Variants in SNX31 observed in about 807,000 individuals in gnomAD.
SNX31 encodes the protein sorting nexin-31.
Under a neutral mutation model 65.4 loss-of-function variants are expected in SNX31, and 58 were observed. The ratio of observed to expected loss-of-function variants is 0.89; its 90% CI spans 0.72 to 1.10. The LOEUF (loss-of-function observed/expected upper bound fraction) is 1.10, where lower values mean the gene tolerates loss of function less well. SNX31 is among the 50% of genes least tolerant of loss of function. The probability of loss-of-function intolerance (pLI) is 0.00; values close to 1 mark genes in which losing one functional copy is unlikely to be tolerated. For synonymous variants in SNX31, 181 were observed against 190.1 expected (o/e 0.95, Z 0.39); for missense variants, 523 against 529.7 (o/e 0.99, Z 0.12).
rs955170029 is a variant in SNX31, at chr8:100,625,378, G to A, written c.321+4949C>T. Among the ~76,000 whole-genome samples the A allele has an allele frequency of 3.4e-5, 5 of 148,292 alleles. No homozygotes were observed. The highest frequency in any genetic ancestry group is 6.0e-5 in the Non-Finnish European group (4 of 67,138). On this transcript the variant is annotated intron_variant, in intron 4 of 13. Transcript: ENST00000311812. The surrounding 1 kb of genome is among the most constrained non-coding windows in gnomAD (Gnocchi z 4.2). ...TTAGAGCCTGGTGAGTCCACATATGGATTTTCTTGGATGCGCACCATGGCT... is the reference window on the plus strand; with the variant it reads ...TTAGAGCCTGGTGAGTCCACATATGAATTTTCTTGGATGCGCACCATGGCT...
intron 2 of SNX31, among the ~76,000 whole-genome samples, chr8:100,636,712 ATTTC>A (rs112969618): frequency 6.6e-6 from 1 of 151,582 alleles, no homozygotes; most frequent in Non-Finnish European, 1.5e-5. Flanking sequence ...GGTGACTCAT[ATTTC>A]TTTCTTTCTT....
chr8:100,589,751 G>C (rs1014186478), intron 10 of SNX31, among the ~76,000 whole-genome samples: 5 of 152,238 alleles, frequency 3.3e-5, no homozygotes, highest in African/African-American at 1.2e-4. Context: ...GATCCTGAAA[G>C]CCTGGTAGGC....
At position 100,649,607 on chromosome 8, in the gene SNX31, G is replaced by A; in HGVS notation, c.-93C>T. 2 of 1,256,706 alleles carry A rather than the reference G, an allele frequency of 1.6e-6. No individual in the cohort carries two copies. Among genetic ancestry groups the A allele is most frequent in the African/African-American group, 1.5e-5 (1 of 66,856 alleles). The allele number at this position is 1,256,706 out of a possible 1,614,324, so 77.8% of individuals were successfully genotyped here. ...AACTCGGCAGCGGTGGACGCAGCGC[G>A]GCCTGCCACGCGACTCAGAGCGAAC... On this transcript the variant is annotated 5_prime_UTR_variant, in exon 1 of 14. Coordinates refer to ENST00000311812, the MANE Select transcript of SNX31 (RefSeq NM_152628.4).
intron 3 of SNX31, among the ~76,000 whole-genome samples, chr8:100,634,040 G>A (rs1818582777): frequency 6.6e-6 from 1 of 152,112 alleles, no homozygotes; most frequent in African/African-American, 2.4e-5. Context: ...ATTCTTTTAG[G>A]TAGTTTATAT....
chr8:100,591,257 T>C (rs188863145), intron 10 of SNX31, among the ~76,000 whole-genome samples: 2 of 152,096 alleles, frequency 1.3e-5, no homozygotes, highest in Non-Finnish European at 2.9e-5. Context: ...AGAGAGACAA[T>C]AGACAAGATG....
intron 11 of SNX31, among the ~76,000 whole-genome samples, chr8:100,586,220 C>G (rs1419241335): frequency 1.3e-5 from 2 of 152,180 alleles, no homozygotes; most frequent in Non-Finnish European, 2.9e-5. Context: ...TGCGCCTGGC[C>G]AACAATTCAG....
At position 100,612,729 on chromosome 8, in the gene SNX31, T is replaced by C. The variant is rs924054454; in HGVS notation, c.523+266A>G. The stretch of plus-strand genomic sequence containing the variant: ...GAGTGGTCAGTGGTCAGGCCGGGCC[T>C]GCGGTAAAGGGGAGGGGGTCAGGAT... On this transcript the variant is annotated intron_variant, in intron 6 of 13. Transcript: ENST00000311812. The surrounding 1 kb of genome is among the most constrained non-coding windows in gnomAD (Gnocchi z 4.3). Among the ~76,000 whole-genome samples, 3 of 152,106 alleles carry C rather than the reference T, an allele frequency of 2.0e-5. No individual in the cohort carries two copies. Among genetic ancestry groups the C allele is most frequent in the Non-Finnish European group, 4.4e-5 (3 of 68,012 alleles).
chr8:100,583,253 C>G (rs941966609), intron 12 of SNX31, among the ~76,000 whole-genome samples: 34 of 151,578 alleles, frequency 2.2e-4, no homozygotes, highest in African/African-American at 7.5e-4. Flanking sequence ...ACTACAGGTA[C>G]CCACCACCAC....
Position 100,584,128 on chromosome 8 carries a change from C to G in SNX31, c.1153G>C (p.Ala385Pro), listed in dbSNP as rs1214654414. ...MISEKMVKLA[A>P]ENTEMQIEVP... ...GCACTCACCATTTCTGTATTCTCAGCAGCTAGCTTTACCATCTTTTCTGAG... is the reference window on the plus strand; with the variant it reads ...GCACTCACCATTTCTGTATTCTCAGGAGCTAGCTTTACCATCTTTTCTGAG... The change falls in exon 12 of 14, where the codon GCT (alanine) becomes CCT (proline). Residue 385 changes from alanine to proline, a missense_variant. Physicochemically the swap from Ala to Pro is conservative, Grantham distance 27. Coordinates refer to ENST00000311812, the MANE Select transcript of SNX31 (RefSeq NM_152628.4). The G allele has an allele frequency of 1.2e-6, 2 of 1,604,250 alleles. No homozygotes were observed. Among genetic ancestry groups the G allele is most frequent in the African/African-American group, 1.4e-5 (1 of 74,020 alleles).
intron 2 of SNX31, among the ~76,000 whole-genome samples, chr8:100,643,413 T>C (rs956086523): frequency 6.6e-6 from 1 of 152,140 alleles, no homozygotes; most frequent in Non-Finnish European, 1.5e-5. Context: ...AAAAGGTGTC[T>C]GTTTCTAATG....
intron 8 of SNX31, among the ~76,000 whole-genome samples, chr8:100,600,994 C>A (rs1441269419): frequency 6.6e-6 from 1 of 151,920 alleles, no homozygotes; most frequent in Non-Finnish European, 1.5e-5. Flanking sequence ...GGAAAATGGG[C>A]AACAGCTATG....
intron 1 of SNX31, among the ~76,000 whole-genome samples, chr8:100,656,903 A>G (rs555872049): frequency 1.6e-4 from 25 of 152,228 alleles, no homozygotes; most frequent in South Asian, 8.3e-4. Flanking sequence ...AATGATTCCC[A>G]GATGTGACCC....
At chr8:100,586,741 C>A (rs2130835799) in intron 11 of SNX31, among the ~76,000 whole-genome samples, 1 of 152,264 alleles carries the variant, frequency 6.6e-6, no homozygotes, top group East Asian at 1.9e-4. Flanking sequence ...AATGACTCAA[C>A]TATACTAGAA....
intron 9 of SNX31, 23 bp from the exon 10 acceptor site, chr8:100,596,865 G>A: frequency 6.2e-7 from 1 of 1,609,862 alleles, no homozygotes; most frequent in Non-Finnish European, 8.5e-7. Context: ...GGGTGATGTG[G>A]GGGGAGGGGA....
chr8:100,584,016 C>T (rs767269777), intron 12 of SNX31, 95 bp downstream of exon 12: 23 of 1,104,560 alleles, frequency 2.1e-5, no homozygotes, highest in Non-Finnish European at 2.8e-5. Flanking sequence ...ACTAGACCTG[C>T]TGGCTCAGGG....
intron 1 of SNX31, among the ~76,000 whole-genome samples, chr8:100,661,005 A>ATTT (rs1457172508): frequency 3.4e-4 from 32 of 93,934 alleles, no homozygotes; most frequent in African/African-American, 1.1e-3. Flanking sequence ...AAGCAGGTCG[A>ATTT]TATTTTTTTT....
rs1818368244 is a variant in SNX31 at position 100,630,902 on chromosome 8, C to T, written c.257-511G>A. ...TCCTGGGTTAAGACGATTCTCTTGC[C>T]TCAGCCTCTGAAGTAGCTGGGATTA... is the stretch of plus-strand genomic sequence containing the variant. On this transcript the variant is annotated intron_variant, in intron 3 of 13. Coordinates refer to ENST00000311812, the MANE Select transcript of SNX31 (RefSeq NM_152628.4). This position sits in a 1 kb window ranked among gnomAD's most constrained non-coding sequence, Gnocchi z 5.3. 6.6e-6 allele frequency among the ~76,000 whole-genome samples: 1 copy of T among 152,194 alleles called. No individual in the cohort carries two copies. Among genetic ancestry groups the T allele is most frequent in the Non-Finnish European group, 1.5e-5 (1 of 68,032 alleles).
At chr8:100,640,553 T>C (rs188888632) in intron 2 of SNX31, among the ~76,000 whole-genome samples, 2 of 152,304 alleles carry the variant, frequency 1.3e-5, no homozygotes, top group African/African-American at 4.8e-5. Context: ...AAGAGTAACT[T>C]TACAGTGGAG....
chr8:100,581,912 T>C (rs1423797425), intron 12 of SNX31, among the ~76,000 whole-genome samples: 1 of 152,188 alleles, frequency 6.6e-6, no homozygotes, highest in East Asian at 1.9e-4. Flanking sequence ...GGTTCCCCTC[T>C]ACCCAGAGCT....
Sources: gnomAD v4.1 joint callset for allele counts (sites outside exome capture counted in the v4.1 genomes callset) on GRCh38, gnomAD v4.1.1 for gene constraint, Gnocchi (gnomAD v3.1) non-coding constraint, MANE v1.5 for transcripts, NCBI Gene and HGNC (gene_info 2026-07-23, HGNC 2026-07-21) for gene names.